Variants in CNTNAP3B observed in about 807,000 individuals in gnomAD.
The protein encoded by CNTNAP3B is contactin-associated protein-like 3B.
Under a neutral mutation model 108.9 loss-of-function variants are expected in CNTNAP3B, and 25 were observed. The ratio of observed to expected loss-of-function variants is 0.23; its 90% CI spans 0.17 to 0.32. CNTNAP3B has a LOEUF of 0.32. Among genes scored for constraint, CNTNAP3B ranks in the 10% least tolerant of loss-of-function variants. CNTNAP3B has a pLI of 1.00. For synonymous variants in CNTNAP3B, 103 were observed against 473.4 expected, an observed-to-expected ratio of 0.22 and a Z score of 10.16; for missense variants, 252 against 1,210.4, an observed-to-expected ratio of 0.21 and a Z score of 11.75.
chr9:41,953,418 C>T (rs1449588586), intron 12 of CNTNAP3B, 32 bp from the exon 13 acceptor site: 3 of 1,524,758 alleles, frequency 2.0e-6, no homozygotes, highest in South Asian at 2.4e-5. Context: ...AGAGGCATCA[C>T]TGGGCGGCAG....
intron 1 of CNTNAP3B, among the ~76,000 whole-genome samples, chr9:42,121,323 C>T (rs1162973461): frequency 7.2e-6 from 1 of 139,552 alleles, no homozygotes; most frequent in African/African-American, 2.8e-5. Flanking sequence ...TATGAGCTCA[C>T]TTTCTAAAAG....
chr9:42,113,087 C>T (rs536927437), intron 1 of CNTNAP3B, among the ~76,000 whole-genome samples: 1,685 of 135,588 alleles, frequency 0.012, 224 homozygotes, highest in Non-Finnish European at 0.016. Flanking sequence ...CTTAGTTTGA[C>T]GATCTACTCT....
intron 1 of CNTNAP3B, among the ~76,000 whole-genome samples, chr9:42,127,621 G>A (rs1452732513): frequency 1.4e-5 from 2 of 139,722 alleles, no homozygotes; most frequent in African/African-American, 5.7e-5. Flanking sequence ...CAAGACCCAA[G>A]GATTTTAATT....
chr9:42,121,682 C>T (rs551537539), intron 1 of CNTNAP3B, among the ~76,000 whole-genome samples: 1 of 140,326 alleles, frequency 7.1e-6, no homozygotes, highest in African/African-American at 2.8e-5. Context: ...AATGTGTCAA[C>T]TGTGATTTAT....
intron 8 of CNTNAP3B, among the ~76,000 whole-genome samples, chr9:41,988,614 T>C (rs1312293808): frequency 2.7e-5 from 4 of 148,046 alleles, no homozygotes; most frequent in Non-Finnish European, 6.0e-5. Flanking sequence ...ATGATTATTG[T>C]CCATAGACAT....
intron 15 of CNTNAP3B, among the ~76,000 whole-genome samples, chr9:41,928,533 G>A (rs1403387736): frequency 2.6e-5 from 4 of 152,210 alleles, no homozygotes; most frequent in Non-Finnish European, 4.4e-5. Flanking sequence ...CTTGGTATTA[G>A]GGGATGGAGA....
chr9:41,969,630 T>G (rs1197823891), intron 10 of CNTNAP3B, among the ~76,000 whole-genome samples: 10 of 152,306 alleles, frequency 6.6e-5, no homozygotes, highest in Admixed American at 6.5e-5. Context: ...TTTTTGTTTT[T>G]GTTTTGAGAC....
At position 42,095,323 on chromosome 9, in the gene CNTNAP3B, A is replaced by G. The variant is rs535493184; in HGVS notation, c.196+9306T>C. The stretch of plus-strand genomic sequence containing the variant: ...ACTTAACATAATGTCCTCCAGGTTC[A>G]TCCATGTTATCACAAGTGTCAGAGT... On this transcript the variant is annotated intron_variant, in intron 2 of 23. Coordinates refer to ENST00000377561, the MANE Select transcript of CNTNAP3B (RefSeq NM_001201380.3). Among the ~76,000 whole-genome samples, 32 of 138,218 alleles carry G rather than the reference A, an allele frequency of 2.3e-4. 4 individuals carry two copies. Among genetic ancestry groups the G allele is most frequent in the African/African-American group, 9.3e-4 (32 of 34,472 alleles). The allele number at this position is 138,218 out of a possible 152,430, so 90.7% of individuals were successfully genotyped here.
intron 13 of CNTNAP3B, among the ~76,000 whole-genome samples, chr9:41,942,062 A>G (rs1824363752): frequency 1.3e-5 from 2 of 152,420 alleles, no homozygotes; most frequent in South Asian, 4.1e-4. Context: ...AATACCCAGA[A>G]CCAGCCCCCT....
intron 12 of CNTNAP3B, among the ~76,000 whole-genome samples, chr9:41,956,309 C>A (rs1473532765): frequency 1.3e-5 from 2 of 151,654 alleles, no homozygotes; most frequent in Non-Finnish European, 2.9e-5. Flanking sequence ...TCATTTGAAC[C>A]CGGGAGGTGG....
chr9:41,945,474 G>A (rs1335799913), intron 13 of CNTNAP3B, among the ~76,000 whole-genome samples: 3 of 152,422 alleles, frequency 2.0e-5, no homozygotes, highest in East Asian at 1.9e-4. Flanking sequence ...TAGGGCCATG[G>A]ATGAAGCTGG....
In CNTNAP3B at chr9:42,115,431, C is replaced by A. The variant is rs1369546163; in HGVS notation, c.86-10692G>T. ...ACTGCCTCCTTAAGTGGGTCCCTGA[C>A]CCCTGCGTAGCCTAACTGGGAGACA... On this transcript the variant is annotated intron_variant, in intron 1 of 23. Transcript: ENST00000377561. Among the ~76,000 whole-genome samples, 14 of 138,646 alleles carry A rather than the reference C, an allele frequency of 1.0e-4. 2 individuals are homozygous for A. In the East Asian group the frequency reaches 3.1e-3, roughly 31 times the overall value. The allele number at this position is 138,646 out of a possible 152,430, so 91.0% of individuals were successfully genotyped here. A position where few individuals can be genotyped will look rare whatever the true frequency, so the allele number is the denominator to read the frequency against.
chr9:41,921,176 C>G (rs575139827), intron 17 of CNTNAP3B, among the ~76,000 whole-genome samples: 2 of 152,302 alleles, frequency 1.3e-5, no homozygotes, highest in African/African-American at 2.4e-5. Context: ...CTTCATCCAC[C>G]GCAATGAATG....
At chr9:42,073,812 T>C (rs1166655522) in intron 3 of CNTNAP3B, among the ~76,000 whole-genome samples, 1 of 149,462 alleles carries the variant, frequency 6.7e-6, no homozygotes, top group Non-Finnish European at 1.5e-5. Context: ...ATGGAGAATA[T>C]GTCCCTGAGA....
At position 42,042,365 on chromosome 9, in the gene CNTNAP3B, T is replaced by A. The variant is rs1297113407; in HGVS notation, c.391-28840A>T. On this transcript the variant is annotated intron_variant, in intron 3 of 23. Transcript: ENST00000377561. ...AAACAATGCTGCAACCCTGTAAATATGAGTAAGATTTACGCTTACTTATCT... is the reference window on the plus strand; with the variant it reads ...AAACAATGCTGCAACCCTGTAAATAAGAGTAAGATTTACGCTTACTTATCT... 2.2e-5 allele frequency among the ~76,000 whole-genome samples: 3 copies of A among 135,444 alleles called. 1 individual carries two copies. Among genetic ancestry groups the A allele is most frequent in the Non-Finnish European group, 4.7e-5 (3 of 63,816 alleles). The allele number at this position is 135,444 out of a possible 152,430, so 88.9% of individuals were successfully genotyped here.
chr9:42,032,973 G>A (rs1198304763), intron 3 of CNTNAP3B, among the ~76,000 whole-genome samples: 1 of 143,810 alleles, frequency 7.0e-6, no homozygotes, highest in East Asian at 2.1e-4. Context: ...CTCCTGAAAG[G>A]CCCTGTCTTC....
intron 13 of CNTNAP3B, among the ~76,000 whole-genome samples, chr9:41,939,011 C>T (rs1419266653): frequency 8.5e-5 from 13 of 152,354 alleles, no homozygotes; most frequent in Non-Finnish European, 1.0e-4. Flanking sequence ...ACAAAGTGCC[C>T]TGGGTCAACT....
intron 13 of CNTNAP3B, among the ~76,000 whole-genome samples, chr9:41,940,308 T>A (rs1463647840): frequency 2.9e-3 from 444 of 152,038 alleles, no homozygotes; most frequent in Middle Eastern, 6.8e-3. Context: ...ATAATTGAAC[T>A]TTTTGGAAAC....
chr9:42,075,505 A>T (rs1827468447), intron 3 of CNTNAP3B, among the ~76,000 whole-genome samples: 1 of 134,724 alleles, frequency 7.4e-6, no homozygotes, highest in Non-Finnish European at 1.6e-5. Flanking sequence ...GTTCTGGATT[A>T]GTAAGAACCT....
Sources: gnomAD v4.1 joint callset for allele counts (sites outside exome capture counted in the v4.1 genomes callset) on GRCh38, gnomAD v4.1.1 for gene constraint, MANE v1.5 for transcripts, NCBI Gene and HGNC (gene_info 2026-07-23, HGNC 2026-07-21) for gene names.